Variants in APEH observed in about 807,000 individuals in gnomAD.
APEH encodes the protein acylaminoacyl-peptide hydrolase, also known as acylamino-acid-releasing enzyme.
In APEH, 75 loss-of-function variants were observed where a neutral mutation model predicts 102.7. The observed-to-expected ratio is 0.73, with a 90% CI of 0.61 to 0.89. The LOEUF (loss-of-function observed/expected upper bound fraction) is 0.89. Ranked by LOEUF, APEH falls within the 40% of genes least tolerant of loss-of-function variation. The pLI, the probability that APEH is intolerant of heterozygous loss-of-function variation, is 0.00. For synonymous variants in APEH, 344 were observed against 362.7 expected, an observed-to-expected ratio of 0.95 and a Z score of 0.59; for missense variants, 863 against 941.2, an observed-to-expected ratio of 0.92 and a Z score of 1.09.
intron 13 of APEH, 79 bp from the exon 14 acceptor site, chr3:49,680,462 C>A: frequency 7.5e-7 from 1 of 1,326,548 alleles, no homozygotes; most frequent in Non-Finnish European, 1.1e-6. Context: ...GAGTCTCCAG[C>A]CTGGGACTCT....
rs779536504 is a variant in APEH at position 49,675,302 on chromosome 3, C to T, written c.265C>T (p.Arg89Trp). Residue 89 changes from arginine (R) to tryptophan (W), a missense_variant, in exon 3 of 22, where the codon CGG (arginine) becomes TGG (tryptophan). By Grantham distance (101) the Arg-to-Trp change is moderately radical. Transcript: ENST00000296456. Reference protein sequence around the residue: ...AGPAGNSVETRGELLSRESPS... With the variant: ...AGPAGNSVETWGELLSRESPS... Reference sequence around the variant, plus strand: ...ACCTGCAGGCAACAGTGTGGAGACCCGGGGGGAGTAAGTTTGAGGGAGGAA... The same window carrying T: ...ACCTGCAGGCAACAGTGTGGAGACCTGGGGGGAGTAAGTTTGAGGGAGGAA... The T allele has an allele frequency of 1.2e-5, 19 of 1,613,460 alleles. No individual in the cohort carries two copies. Among genetic ancestry groups the T allele is most frequent in the Middle Eastern group, 1.6e-4 (1 of 6,084 alleles).
chr3:49,674,326 C>A (rs1220901267), upstream of APEH: 4 of 1,510,590 alleles, frequency 2.6e-6, no homozygotes, highest in African/African-American at 1.4e-5. Context: ...CCCGGGCCGT[C>A]CCAGGCTCCG....
intron 1 of APEH, 37 bp from the exon 2 acceptor site, chr3:49,674,452 C>T: frequency 6.4e-7 from 1 of 1,570,742 alleles, no homozygotes; most frequent in Non-Finnish European, 8.6e-7. Flanking sequence ...TCCCTGCAGC[C>T]CGGGCCGGGC....
rs1357362844 is a variant in APEH at position 49,675,696 on chromosome 3, T to G, written c.275T>G (p.Leu92Arg). Residue 92 changes from leucine (L) to arginine (R), a missense_variant and splice_region_variant, in exon 4 of 22, where the codon CTG (leucine) becomes CGG (arginine). By Grantham distance (102) the Leu-to-Arg change is moderately radical. Transcript: ENST00000296456. ...CCTGTGCTACCCCATGTCCACAGACTGCTGAGCAGAGAGTCTCCTTCAGGC... is the reference window on the plus strand; with the variant it reads ...CCTGTGCTACCCCATGTCCACAGACGGCTGAGCAGAGAGTCTCCTTCAGGC... ...AGNSVETRGE[L>R]LSRESPSGTM... is the part of the protein sequence containing the mutation. 8 of 1,613,694 alleles carry G rather than the reference T, an allele frequency of 5.0e-6. No homozygotes were observed. The highest frequency in any genetic ancestry group is 6.8e-6 in the Non-Finnish European group (8 of 1,179,750).
chr3:49,677,726 T>G, intron 11 of APEH, 93 bp downstream of exon 11: 78 of 1,207,448 alleles, frequency 6.5e-5, no homozygotes, highest in Non-Finnish European at 7.6e-5. Context: ...CTTTCCTAGG[T>G]TCCTTCTGAG....
chr3:49,683,212 A>G, intron 21 of APEH, 25 bp from the exon 22 acceptor site: 8 of 1,610,446 alleles, frequency 5.0e-6, no homozygotes, highest in Non-Finnish European at 6.8e-6. Context: ...CTCCAACCTT[A>G]AATGTTGCTG....
chr3:49,679,566 G>A lies in APEH; in HGVS notation c.1159-27G>A, dbSNP rs369336766. On this transcript the variant is annotated intron_variant, in intron 12 of 21. Transcript: ENST00000296456. The surrounding 1 kb of genome is among the most constrained non-coding windows in gnomAD (Gnocchi z 4.3). ...AGAGGGAGTACTCTTGGATGTGGTC[G>A]CACCTGTGGCCTTGCCTCTGCTTCA... 6.2e-6 allele frequency: 10 copies of A among 1,612,690 alleles called. No homozygotes were observed. Among genetic ancestry groups the A allele is most frequent in the East Asian group, 2.2e-5 (1 of 44,848 alleles).
At chr3:49,674,786 G>C (rs984137992) in intron 2 of APEH, among the ~76,000 whole-genome samples, 165 bp downstream of exon 2, 8 of 152,182 alleles carry the variant, frequency 5.3e-5, no homozygotes, top group African/African-American at 1.9e-4. Context: ...GTGTGTGGAG[G>C]GGGGGAGGGG....
At chr3:49,675,602 C>T in intron 3 of APEH, 92 bp from the exon 4 acceptor site, 1 of 1,299,122 alleles carries the variant, frequency 7.7e-7, no homozygotes, top group Non-Finnish European at 1.1e-6. Flanking sequence ...GGGGCCAGAG[C>T]CTCAAGAATC....
At chr3:49,680,475 T>TA (rs1422550776) in intron 13 of APEH, 66 bp from the exon 14 acceptor site, 43 of 1,428,592 alleles carry the variant, frequency 3.0e-5, no homozygotes, top group Non-Finnish European at 3.1e-5. Context: ...GGGACTCTGT[T>TA]ACAGAGAAGC....
chr3:49,678,712 C>G, intron 11 of APEH, 140 bp from the exon 12 acceptor site: 2 of 722,088 alleles, frequency 2.8e-6, no homozygotes, highest in African/African-American at 3.5e-5. Context: ...AGCGTGCCCC[C>G]ATGTGTGCTA....
intron 4 of APEH, 33 bp downstream of exon 4, chr3:49,675,820 AAG>A (rs1365975590): frequency 2.5e-6 from 4 of 1,612,698 alleles, no homozygotes; most frequent in South Asian, 1.1e-5. Context: ...AGTGGGTGAC[AAG>A]AGAGAGGCTC....
Position 49,682,747 on chromosome 3 carries a change from A to G in APEH, c.1883+11A>G. On this transcript the variant is annotated intron_variant, in intron 19 of 21. Transcript: ENST00000296456. ...TGACATCCCTGACTGGTAGGCATAC[A>G]CCACAGGTCCCTGCCCTTCCCTCCT... The G allele has an allele frequency of 9.9e-6, 16 of 1,613,488 alleles. No homozygotes were observed. The highest frequency in any genetic ancestry group is 1.3e-5 in the Non-Finnish European group (15 of 1,179,736).
At position 49,674,640 on chromosome 3, in the gene APEH, A is replaced by G. The variant is rs1481227218; in HGVS notation, c.145+19A>G. On this transcript the variant is annotated intron_variant, in intron 2 of 21. Transcript: ENST00000296456. ...CACACTGGTGTGTGTGCGAAGGGGAACTGGCTGGCGACGGGGTCGCGCACT... is the reference window on the plus strand; with the variant it reads ...CACACTGGTGTGTGTGCGAAGGGGAGCTGGCTGGCGACGGGGTCGCGCACT... 1.9e-6 allele frequency: 3 copies of G among 1,586,204 alleles called. No homozygotes were observed. In the Admixed American group the frequency reaches 5.2e-5, roughly 28 times the overall value.
chr3:49,675,171 C>T lies in APEH; in HGVS notation c.146-12C>T, dbSNP rs763250568. 2 of 1,613,854 alleles carry T rather than the reference C, an allele frequency of 1.2e-6. No homozygotes were observed. The highest frequency in any genetic ancestry group is 2.2e-5 in the East Asian group (1 of 44,876). On this transcript the variant is annotated splice_polypyrimidine_tract_variant and intron_variant, in intron 2 of 21. Coordinates refer to ENST00000296456, the MANE Select transcript of APEH (RefSeq NM_001640.4). ...CAAGACAAGGTGAGCAGTCTCATGCCTCCCCTCACAGAGTGGACCCAGAGG... is the reference window on the plus strand; with the variant it reads ...CAAGACAAGGTGAGCAGTCTCATGCTTCCCCTCACAGAGTGGACCCAGAGG...
chr3:49,682,746 C>T lies in APEH; in HGVS notation c.1883+10C>T, dbSNP rs2053399959. ...CTGACATCCCTGACTGGTAGGCATA[C>T]ACCACAGGTCCCTGCCCTTCCCTCC... On this transcript the variant is annotated intron_variant, in intron 19 of 21. Transcript: ENST00000296456. The T allele has an allele frequency of 1.2e-6, 2 of 1,613,488 alleles. No homozygotes were observed. Among genetic ancestry groups the T allele is most frequent in the Admixed American group, 3.3e-5 (2 of 59,986 alleles).
rs1447555842 is a variant in APEH, at chr3:49,676,787, T to C, written c.847T>C (p.Tyr283His). 1 of 1,614,234 alleles carries C rather than the reference T, an allele frequency of 6.2e-7. No homozygotes were observed. The highest frequency in any genetic ancestry group is 1.1e-5 in the South Asian group (1 of 91,086). The change falls in exon 9 of 22, where the codon TAT becomes CAT. Residue 283 changes from tyrosine to histidine, a missense_variant. Tyr to His is a moderately conservative substitution (Grantham distance 83). Transcript: ENST00000296456. Reference sequence around the variant, plus strand: ...GTCTCGTGGTTCCAGGTCAGCCCTGTATTATGTGGACCTCATCGGGGGGAA... The same window carrying C: ...GTCTCGTGGTTCCAGGTCAGCCCTGCATTATGTGGACCTCATCGGGGGGAA... ...RFCTNRRSAL[Y>H]YVDLIGGKCE...
intron 3 of APEH, 61 bp from the exon 4 acceptor site, chr3:49,675,633 G>T: frequency 2.0e-6 from 3 of 1,479,946 alleles, no homozygotes; most frequent in Non-Finnish European, 2.8e-6. Flanking sequence ...GGTGTGCCCA[G>T]TAGGGAGCAG....
chr3:49,682,386 A>T lies in APEH; in HGVS notation c.1642A>T (p.Ile548Phe), dbSNP rs1349002088. The change falls in exon 18 of 22, where the codon ATC becomes TTC. Residue 548 changes from isoleucine (I) to phenylalanine (F), a missense_variant. Transcript: ENST00000296456. ...CTCCACGGGCTTTGGCCAGGACAGC[A>T]TCCTCTCCCTCCCAGGCAATGTGGG... ...RGSTGFGQDS[I>F]LSLPGNVGHQ... The T allele has an allele frequency of 1.2e-6, 2 of 1,613,946 alleles. No homozygotes were observed. Among genetic ancestry groups the T allele is most frequent in the Non-Finnish European group, 1.7e-6 (2 of 1,179,968 alleles).
Sources: gnomAD v4.1 joint callset for allele counts (sites outside exome capture counted in the v4.1 genomes callset) on GRCh38, gnomAD v4.1.1 for gene constraint, Gnocchi (gnomAD v3.1) non-coding constraint, MANE v1.5 for transcripts, NCBI Gene and HGNC (gene_info 2026-07-23, HGNC 2026-07-21) for gene names.